ERAP1: variants seen among roughly 807,000 people sequenced by gnomAD.
ERAP1 encodes adipocyte-derived leucine aminopeptidase.
Under a neutral mutation model 103.7 loss-of-function variants are expected in ERAP1, and 86 were observed. The ratio of observed to expected loss-of-function variants is 0.83; its 90% CI spans 0.70 to 0.99. ERAP1 has a LOEUF of 0.99. ERAP1 is among the 50% of genes least tolerant of loss of function. The pLI is 0.00. For missense variants in ERAP1, 1,009 were observed against 1,128.4 expected, an observed-to-expected ratio of 0.89 and a Z score of 1.52; for synonymous variants, 398 against 402.4, an observed-to-expected ratio of 0.99 and a Z score of 0.13.
intron 2 of ERAP1, among the ~76,000 whole-genome samples, chr5:96,801,368 C>T (rs138730576): frequency 4.0e-5 from 6 of 150,554 alleles, no homozygotes; most frequent in East Asian, 3.9e-4. Flanking sequence ...AGAGGTGAGA[C>T]GATGGTTTGA....
intron 1 of ERAP1, chr5:96,804,828 C>T (rs1778388468): frequency 6.6e-6 from 1 of 152,056 alleles, no homozygotes. Flanking sequence ...CACCTGTAGT[C>T]CTAATTACTT....
At chr5:96,913,198 G>T in the ERAP1 span, 1 of 734,686 alleles carries the variant, frequency 1.4e-6, no homozygotes, top group South Asian at 2.4e-5. Context: ...TAAAAAATTG[G>T]TAATTATACT....
intron 18 of ERAP1, 75 bp from the exon 19 acceptor site, chr5:96,776,626 GCCAAAATT>G: frequency 6.4e-7 from 1 of 1,569,692 alleles, no homozygotes; most frequent in Non-Finnish European, 8.6e-7. Context: ...TAAAACTGAA[GCCAAAATT>G]CCAGCATTTG....
chr5:96,929,110 C>T, the ERAP1 span, among the ~76,000 whole-genome samples: 1 of 152,234 alleles, frequency 6.6e-6, no homozygotes, highest in African/African-American at 2.4e-5. Flanking sequence ...AATCCTGGCA[C>T]CATGCCAATG....
At chr5:96,780,352 T>G in intron 18 of ERAP1, 71 bp downstream of exon 18, 2 of 1,122,644 alleles carry the variant, frequency 1.8e-6, no homozygotes, top group Admixed American at 5.2e-5. Flanking sequence ...CAAAGTATTT[T>G]GTCTACCCCA....
the ERAP1 span, among the ~76,000 whole-genome samples, chr5:96,848,281 C>T: frequency 2.0e-5 from 3 of 152,130 alleles, no homozygotes; most frequent in Non-Finnish European, 2.9e-5. Flanking sequence ...AAGCTCCTGA[C>T]CTCAAGTGAT....
At chr5:96,784,127 A>G in intron 13 of ERAP1, 47 bp from the exon 14 acceptor site, 1 of 1,601,016 alleles carries the variant, frequency 6.2e-7, no homozygotes. Context: ...AAATCCGGGA[A>G]GTCAACTTTT....
At position 96,776,115 on chromosome 5, in the gene ERAP1, CTA is replaced by C; in HGVS notation, c.*279_*280del. 3 of 1,382,220 alleles carry C rather than the reference CTA, an allele frequency of 2.2e-6. No individual in the cohort carries two copies. Among genetic ancestry groups the C allele is most frequent in the Non-Finnish European group, 2.9e-6 (3 of 1,050,942 alleles). 85.6% of individuals were successfully genotyped at this position (1,382,220 alleles called of 1,614,324 possible). Reference sequence around the variant, plus strand: ...TTGGACACGGGTGCTTAAGCATAAACTATAAAATGAGAAGAATAAGGTACTTT... The same window carrying C: ...TTGGACACGGGTGCTTAAGCATAAACTAAAATGAGAAGAATAAGGTACTTT... On this transcript the variant is annotated 3_prime_UTR_variant, in exon 19 of 19. Coordinates refer to ENST00000443439, the MANE Select transcript of ERAP1 (RefSeq NM_001040458.3).
At chr5:96,794,915 G>A in intron 5 of ERAP1, 127 bp downstream of exon 5, 1 of 1,094,288 alleles carries the variant, frequency 9.1e-7, no homozygotes, top group Non-Finnish European at 1.4e-6. Flanking sequence ...CCGCAGGTTT[G>A]TCACTTGCTG....
At chr5:96,809,951 A>G (rs1779054983), upstream of ERAP1, among the ~76,000 whole-genome samples, 1 of 152,192 alleles carries the variant, frequency 6.6e-6, no homozygotes, top group South Asian at 2.1e-4. Context: ...GCAGAACTGA[A>G]TGCACCCAAC....
chr5:96,843,906 A>G, the ERAP1 span, among the ~76,000 whole-genome samples: 15 of 152,260 alleles, frequency 9.9e-5, no homozygotes, highest in South Asian at 1.7e-3. Flanking sequence ...CTTTGAATCT[A>G]CCTATGACCT....
the ERAP1 span, among the ~76,000 whole-genome samples, chr5:96,890,814 A>T: frequency 6.6e-6 from 1 of 152,012 alleles, no homozygotes; most frequent in Non-Finnish European, 1.5e-5. Flanking sequence ...GTACAGATAT[A>T]CTAAATCCCA....
the ERAP1 span, among the ~76,000 whole-genome samples, chr5:96,816,295 A>G: frequency 6.6e-6 from 1 of 152,224 alleles, no homozygotes; most frequent in East Asian, 1.9e-4. Context: ...GAAAATTAAA[A>G]TATGGGTATG....
chr5:96,821,225 T>G, the ERAP1 span, among the ~76,000 whole-genome samples: 4 of 152,228 alleles, frequency 2.6e-5, no homozygotes, highest in Non-Finnish European at 5.9e-5. Context: ...TAATCAGATC[T>G]ACACAAAGTC....
the ERAP1 span, among the ~76,000 whole-genome samples, chr5:96,861,996 A>T: frequency 6.6e-6 from 1 of 152,270 alleles, no homozygotes; most frequent in East Asian, 1.9e-4. Flanking sequence ...TGAAAAAAAA[A>T]TCAAGACAAG....
Position 96,793,510 on chromosome 5 carries a change from A to G in ERAP1, c.1078T>C (p.Phe360Leu). The change falls in exon 7 of 19, where the codon TTT becomes CTT. Residue 360 changes from phenylalanine to leucine, a missense_variant. Transcript: ENST00000443439. ...CATTCCATAGTGACCAGGTTCCCAA[A>G]CCACTAAAAGCACAACATAAGCCAT... ...TVAHELAHQW[F>L]GNLVTMEWWN... The G allele has an allele frequency of 6.2e-7, 1 of 1,611,842 alleles. No homozygotes were observed. The highest frequency in any genetic ancestry group is 1.1e-5 in the South Asian group (1 of 91,050).
At chr5:96,836,781 T>C in the ERAP1 span, among the ~76,000 whole-genome samples, 3 of 152,210 alleles carry the variant, frequency 2.0e-5, no homozygotes, top group Non-Finnish European at 4.4e-5. Context: ...GATGCATCCA[T>C]TGAAAAGCAG....
At chr5:96,841,984 A>G in the ERAP1 span, among the ~76,000 whole-genome samples, 8 of 151,974 alleles carry the variant, frequency 5.3e-5, no homozygotes, top group African/African-American at 1.9e-4. Flanking sequence ...TATCATTCTT[A>G]TGCCTTTGTG....
At chr5:96,879,798 T>C in the ERAP1 span, 2 of 1,614,180 alleles carry the variant, frequency 1.2e-6, no homozygotes, top group South Asian at 2.2e-5. Context: ...TGTTCTCAGT[T>C]CTCAGTGCCA....
Sources: allele counts gnomAD v4.1 joint callset (sites outside exome capture counted in the v4.1 genomes callset), GRCh38; gene constraint gnomAD v4.1.1; transcripts MANE v1.5; gene names NCBI Gene and HGNC (gene_info 2026-07-23, HGNC 2026-07-21).